Variants in PLCB4 observed in about 807,000 individuals in gnomAD.
The protein encoded by PLCB4 is 1-phosphatidylinositol 4,5-bisphosphate phosphodiesterase beta-4.
In PLCB4, 77 loss-of-function variants were observed where a neutral mutation model predicts 178.8. The ratio of observed to expected loss-of-function variants is 0.43; its 90% CI spans 0.36 to 0.52. PLCB4 has a LOEUF of 0.52. PLCB4 is among the 20% of genes least tolerant of loss of function. The pLI is 0.00. For synonymous variants in PLCB4, 496 were observed against 490.8 expected (o/e 1.01, Z -0.14); for missense variants, 1,024 against 1,453.4 (o/e 0.70, Z 4.80).
At chr20:9,085,778 C>T (rs2090381935) in intron 1 of PLCB4, among the ~76,000 whole-genome samples, 1 of 152,174 alleles carries the variant, frequency 6.6e-6, no homozygotes, top group East Asian at 1.9e-4. Flanking sequence ...ATTTGTATAA[C>T]ATCCTCAATT....
chr20:9,151,432 C>A (rs1248870160), intron 2 of PLCB4, among the ~76,000 whole-genome samples: 3 of 151,970 alleles, frequency 2.0e-5, no homozygotes, highest in Non-Finnish European at 4.4e-5. Context: ...GTGGGAGGGA[C>A]CCAGGGGGAG....
intron 26 of PLCB4, among the ~76,000 whole-genome samples, chr20:9,420,174 G>T (rs918653395): frequency 6.6e-6 from 1 of 152,092 alleles, no homozygotes; most frequent in Non-Finnish European, 1.5e-5. Flanking sequence ...TATAGTGACA[G>T]ACAGTAAATC....
At chr20:9,469,706 AG>A (rs1218836349) in intron 36 of PLCB4, among the ~76,000 whole-genome samples, 1 of 152,160 alleles carries the variant, frequency 6.6e-6, no homozygotes, top group Admixed American at 6.5e-5. Context: ...TTTCCATATT[AG>A]GCAGTCATTG....
chr20:9,262,703 T>C (rs751224391), intron 3 of PLCB4, among the ~76,000 whole-genome samples: 1 of 152,186 alleles, frequency 6.6e-6, no homozygotes, highest in Admixed American at 6.5e-5. Context: ...ACATGAACTA[T>C]TTATTCCTCT....
chr20:9,288,624 T>A (rs2094554973), intron 3 of PLCB4, among the ~76,000 whole-genome samples: 1 of 151,754 alleles, frequency 6.6e-6, no homozygotes, highest in Non-Finnish European at 1.5e-5. Flanking sequence ...AGAAGAGTGA[T>A]ACCATAGGAT....
intron 28 of PLCB4, among the ~76,000 whole-genome samples, chr20:9,427,663 G>A (rs774103030): frequency 6.6e-6 from 1 of 152,334 alleles, no homozygotes; most frequent in Non-Finnish European, 1.5e-5. Flanking sequence ...AGACACTGCT[G>A]TAGGAGACAG....
chr20:9,388,711 C>CA (rs1024938545), intron 15 of PLCB4, among the ~76,000 whole-genome samples: 29 of 151,538 alleles, frequency 1.9e-4, no homozygotes, highest in South Asian at 4.2e-4. Flanking sequence ...GACTCTGTCT[C>CA]AAAAAAAACA....
At chr20:9,377,949 C>T (rs1016976994) in intron 12 of PLCB4, among the ~76,000 whole-genome samples, 2 of 152,068 alleles carry the variant, frequency 1.3e-5, no homozygotes, top group African/African-American at 4.8e-5. Flanking sequence ...TAATAGGTTC[C>T]ACCCCAGAGA....
intron 4 of PLCB4, among the ~76,000 whole-genome samples, chr20:9,327,502 C>A (rs6056547): frequency 6.6e-6 from 1 of 151,998 alleles, no homozygotes; most frequent in Non-Finnish European, 1.5e-5. Context: ...ACTGGCCGGG[C>A]GCGGTGGCTC....
chr20:9,453,504 A>G (rs758670466), intron 33 of PLCB4, 42 bp downstream of exon 33: 2 of 1,220,862 alleles, frequency 1.6e-6, no homozygotes, highest in South Asian at 2.6e-5. Context: ...CTCTATGTTT[A>G]TATTTTGTCT....
chr20:9,105,908 TCTAA>T (rs1330201659), intron 2 of PLCB4, among the ~76,000 whole-genome samples: 1 of 152,092 alleles, frequency 6.6e-6, no homozygotes, highest in Non-Finnish European at 1.5e-5. Flanking sequence ...GGAAGTCATC[TCTAA>T]CTAGAAACCA....
At chr20:9,162,340 T>C (rs2092901977) in intron 2 of PLCB4, among the ~76,000 whole-genome samples, 1 of 152,134 alleles carries the variant, frequency 6.6e-6, no homozygotes, top group East Asian at 1.9e-4. Context: ...GGAAGCAAAA[T>C]GTGGCGATTT....
At chr20:9,280,197 G>A (rs1009397847) in intron 3 of PLCB4, among the ~76,000 whole-genome samples, 1 of 152,002 alleles carries the variant, frequency 6.6e-6, no homozygotes, top group African/African-American at 2.4e-5. Context: ...AGATTAATAA[G>A]GTGCTTAGGT....
intron 2 of PLCB4, among the ~76,000 whole-genome samples, chr20:9,170,342 T>C (rs1037051034): frequency 6.6e-6 from 1 of 152,232 alleles, no homozygotes; most frequent in Admixed American, 6.5e-5. Flanking sequence ...AGAACTAAAG[T>C]TTTAACAAGA....
intron 2 of PLCB4, among the ~76,000 whole-genome samples, chr20:9,110,288 T>C (rs1204125291): frequency 2.0e-5 from 3 of 152,124 alleles, no homozygotes; most frequent in Non-Finnish European, 4.4e-5. Flanking sequence ...CTTACACTGA[T>C]TAGCATTTAT....
At chr20:9,288,698 C>T (rs565309338) in intron 3 of PLCB4, among the ~76,000 whole-genome samples, 1 of 151,796 alleles carries the variant, frequency 6.6e-6, no homozygotes, top group South Asian at 2.1e-4. Flanking sequence ...GGAGGGATGG[C>T]CACATGTGGA....
At chr20:9,267,683 A>T (rs1232898232) in intron 3 of PLCB4, among the ~76,000 whole-genome samples, 1 of 152,126 alleles carries the variant, frequency 6.6e-6, no homozygotes, top group Admixed American at 6.6e-5. Flanking sequence ...TGGGCTGAAG[A>T]TTAACCTTCA....
intron 13 of PLCB4, among the ~76,000 whole-genome samples, chr20:9,382,953 A>G (rs2037270354): frequency 6.6e-6 from 1 of 152,200 alleles, no homozygotes; most frequent in Non-Finnish European, 1.5e-5. Flanking sequence ...ATTAGAAATG[A>G]CCTAACTATC....
Position 9,411,060 on chromosome 20 carries a change from G to A in PLCB4, c.2023G>A (p.Gly675Arg). 6.2e-7 allele frequency: 1 copy of A among 1,611,782 alleles called. No individual in the cohort carries two copies. Among genetic ancestry groups the A allele is most frequent in the Non-Finnish European group, 8.5e-7 (1 of 1,178,052 alleles). ...AGATTTAGCGATGCAATTGAATCAG[G>A]GAAAATTTGAGTATAATGGATCGTG... ...TPDLAMQLNQ[G>R]KFEYNGSCGY... Residue 675 changes from glycine (G) to arginine (R), a missense_variant, in exon 25 of 40, where the codon GGA (glycine) becomes AGA (arginine). Physicochemically the swap from Gly to Arg is moderately radical, Grantham distance 125. Coordinates refer to ENST00000378473, the MANE Select transcript of PLCB4 (RefSeq NM_001377142.1).
Sources: gnomAD v4.1 joint callset for allele counts (sites outside exome capture counted in the v4.1 genomes callset) on GRCh38, gnomAD v4.1.1 for gene constraint, MANE v1.5 for transcripts, NCBI Gene and HGNC (gene_info 2026-07-23, HGNC 2026-07-21) for gene names.